INTS2: variants seen among roughly 807,000 people sequenced by gnomAD.
The protein encoded by INTS2 is integrator complex subunit 2.
In INTS2, 57 loss-of-function variants were observed where a neutral mutation model predicts 139.6. That is an observed-to-expected ratio of 0.41 (90% CI 0.33 to 0.51). The LOEUF (loss-of-function observed/expected upper bound fraction) is 0.51, where lower values mean the gene tolerates loss of function less well. Ranked by LOEUF, INTS2 falls within the 20% of genes least tolerant of loss-of-function variation. INTS2 has a pLI of 0.28. For missense variants in INTS2, 1,196 were observed against 1,436.7 expected (o/e 0.83, Z 2.71); for synonymous variants, 473 against 493.4 (o/e 0.96, Z 0.55).
In INTS2 at chr17:61,875,057, CAT is replaced by C; in HGVS notation, c.2457-21_2457-20del. 6.4e-7 allele frequency: 1 copy of C among 1,560,734 alleles called. No homozygotes were observed. The highest frequency in any genetic ancestry group is 8.7e-7 in the Non-Finnish European group (1 of 1,152,464). ...CCATAGCCTGATAAGAAAATAATCA[CAT>C]GTTCAAAACAGTTTTTTATATATTA... On this transcript the variant is annotated intron_variant, in intron 18 of 24. Coordinates refer to ENST00000251334, the MANE Select transcript of INTS2 (RefSeq NM_001351695.2). This position sits in a 1 kb window ranked among gnomAD's most constrained non-coding sequence, Gnocchi z 4.6.
Position 61,909,185 on chromosome 17 carries a change from C to T in INTS2, c.955-1551G>A, listed in dbSNP as rs560054844. Among the ~76,000 whole-genome samples the T allele has an allele frequency of 6.6e-6, 1 of 152,088 alleles. No individual in the cohort carries two copies. Among genetic ancestry groups the T allele is most frequent in the East Asian group, 1.9e-4 (1 of 5,166 alleles). ...GGAGTGCAGTGGCGTGATCTCGGCT[C>T]ACTGCAACCTCTGCCTCCCATGTTC... On this transcript the variant is annotated intron_variant, in intron 7 of 24. Coordinates refer to ENST00000251334, the MANE Select transcript of INTS2 (RefSeq NM_001351695.2). The surrounding 1 kb of genome is among the most constrained non-coding windows in gnomAD (Gnocchi z 4.9).
In INTS2 at chr17:61,918,311, G is replaced by A. The variant is rs114893357; in HGVS notation, c.649+1089C>T. ...AGGCTGGAGTGCAGTGGCACATATC[G>A]GCTCGCTGCAACCTCCACCTCACAG... is the stretch of plus-strand genomic sequence containing the variant. On this transcript the variant is annotated intron_variant, in intron 5 of 24. Coordinates refer to ENST00000251334, the MANE Select transcript of INTS2 (RefSeq NM_001351695.2). Among the ~76,000 whole-genome samples the A allele has an allele frequency of 8.2e-3, 1,241 of 152,112 alleles. 18 individuals carry two copies. The highest frequency in any genetic ancestry group is 0.028 in the African/African-American group (1,172 of 41,486).
rs1371690474 is a variant in INTS2 at position 61,921,962 on chromosome 17, A to T, written c.433-135T>A. 49 of 522,814 alleles carry T rather than the reference A, an allele frequency of 9.4e-5. No individual in the cohort carries two copies. In the South Asian group the frequency reaches 1.0e-3, roughly 11 times the overall value. The allele number at this position is 522,814 out of a possible 1,614,324, so 32.4% of individuals were successfully genotyped here. On this transcript the variant is annotated intron_variant, in intron 3 of 24. Transcript: ENST00000251334. Reference sequence around the variant, plus strand: ...AATATACCACAGCAGAATATGCAGTATTCAATCAATTTCAACCAATTTAAC... The same window carrying T: ...AATATACCACAGCAGAATATGCAGTTTTCAATCAATTTCAACCAATTTAAC...
chr17:61,924,480 A>C (rs941168376), intron 3 of INTS2, among the ~76,000 whole-genome samples: 1 of 152,222 alleles, frequency 6.6e-6, no homozygotes, highest in Non-Finnish European at 1.5e-5. Flanking sequence ...AGGCAGACTT[A>C]TAATATCCTT....
rs891414088 is a variant in INTS2, at chr17:61,875,187, T to C, written c.2457-149A>G. 1 of 495,226 alleles carries C rather than the reference T, an allele frequency of 2.0e-6. No homozygotes were observed. The highest frequency in any genetic ancestry group is 2.0e-5 in the African/African-American group (1 of 50,230). 30.7% of individuals were successfully genotyped at this position (495,226 alleles called of 1,614,324 possible). A position where few individuals can be genotyped will look rare whatever the true frequency, so the allele number is the denominator to read the frequency against. ...TTTGAAAAAATTTAAGCTACAGACA[T>C]CTAACCTATTAAAATATCTCTTTAA... On this transcript the variant is annotated intron_variant, in intron 18 of 24. Transcript: ENST00000251334. This position sits in a 1 kb window ranked among gnomAD's most constrained non-coding sequence, Gnocchi z 4.6.
rs993867248 is a variant in INTS2, at chr17:61,876,175, TAAAAATAAAAAATAATTTTTTAA to T, written c.2457-1160_2457-1138del. 1.2e-4 allele frequency among the ~76,000 whole-genome samples: 18 copies of T among 152,172 alleles called. No individual in the cohort carries two copies. Among genetic ancestry groups the T allele is most frequent in the African/African-American group, 3.9e-4 (16 of 41,528 alleles). On this transcript the variant is annotated intron_variant, in intron 18 of 24. Transcript: ENST00000251334. The surrounding 1 kb of genome is among the most constrained non-coding windows in gnomAD (Gnocchi z 4.1). ...AAAGCAAGACCCTGTATCTAAAAAG[TAAAAATAAAAAATAATTTTTTAA>T]AAAATGAACTAGAATTCCACACTTA...
intron 17 of INTS2, among the ~76,000 whole-genome samples, chr17:61,880,582 T>C (rs774445819): frequency 1.2e-4 from 18 of 151,816 alleles, no homozygotes; most frequent in African/African-American, 2.2e-4. Context: ...TGAAACCCCA[T>C]CTCTACAAAA....
intron 13 of INTS2, among the ~76,000 whole-genome samples, chr17:61,892,831 G>A (rs1280255955): frequency 6.6e-6 from 1 of 151,252 alleles, no homozygotes; most frequent in Non-Finnish European, 1.5e-5. Context: ...GCAGGAGCCT[G>A]TAATACCAGC....
At chr17:61,925,390 C>T (rs1478357410) in intron 2 of INTS2, among the ~76,000 whole-genome samples, 1 of 151,558 alleles carries the variant, frequency 6.6e-6, no homozygotes. Context: ...ACCAGCCTGG[C>T]CAATATGGTG....
In INTS2 at chr17:61,882,171, T is replaced by C. The variant is rs1365102815; in HGVS notation, c.2090-1000A>G. ...ATCTCTCCCTAACATTCATACAAAGTAAGCAATGCCTCCATTCTACTGTAA... is the reference window on the plus strand; with the variant it reads ...ATCTCTCCCTAACATTCATACAAAGCAAGCAATGCCTCCATTCTACTGTAA... On this transcript the variant is annotated intron_variant, in intron 16 of 24. Transcript: ENST00000251334. The surrounding 1 kb of genome is among the most constrained non-coding windows in gnomAD (Gnocchi z 4.7). Among the ~76,000 whole-genome samples, 1 of 152,146 alleles carries C rather than the reference T, an allele frequency of 6.6e-6. No homozygotes were observed. The highest frequency in any genetic ancestry group is 2.4e-5 in the African/African-American group (1 of 41,422).
At chr17:61,921,615 T>C (rs1312300725) in intron 4 of INTS2, 110 bp downstream of exon 4, 2 of 485,934 alleles carry the variant, frequency 4.1e-6, no homozygotes, top group African/African-American at 3.9e-5. Flanking sequence ...TCACATAACA[T>C]GTTTGTTATA....
At position 61,911,569 on chromosome 17, in the gene INTS2, T is replaced by C. The variant is rs2079526694; in HGVS notation, c.905A>G (p.Asn302Ser). The C allele has an allele frequency of 1.2e-6, 2 of 1,613,922 alleles. No homozygotes were observed. The highest frequency in any genetic ancestry group is 2.7e-5 in the African/African-American group (2 of 74,936). The change falls in exon 7 of 25, where the codon AAT (asparagine) becomes AGT (serine). Residue 302 changes from asparagine (N) to serine (S), a missense_variant. By Grantham distance (46) the Asn-to-Ser change is conservative. Coordinates refer to ENST00000251334, the MANE Select transcript of INTS2 (RefSeq NM_001351695.2). The part of the protein sequence containing the change: ...CFVSGLLLGT[N>S]AKVRTWFGTF... ...TCCAAACCAAGTCCGGACTTTCGCA[T>C]TTGTTCCAAGAAGCAAACCACTTAC...
In INTS2 at chr17:61,881,151, G is replaced by A. The variant is rs747549944; in HGVS notation, c.2110C>T (p.Arg704Cys). The A allele has an allele frequency of 9.3e-6, 15 of 1,612,494 alleles. No individual in the cohort carries two copies. Among genetic ancestry groups the A allele is most frequent in the East Asian group, 2.2e-5 (1 of 44,852 alleles). The change falls in exon 17 of 25, where the codon CGT becomes TGT. Residue 704 changes from arginine to cysteine, a missense_variant. Coordinates refer to ENST00000251334, the MANE Select transcript of INTS2 (RefSeq NM_001351695.2). ...TGTGGGTAGTTAGTAGCAAGGAGACGTAGTAAAGCTGAATGCAACCCTTGA... is the reference window on the plus strand; with the variant it reads ...TGTGGGTAGTTAGTAGCAAGGAGACATAGTAAAGCTGAATGCAACCCTTGA... ...ELGGLHSALL[R>C]LLATNYPHLC...
At chr17:61,920,317 G>A (rs2143160825) in intron 4 of INTS2, among the ~76,000 whole-genome samples, 1 of 151,824 alleles carries the variant, frequency 6.6e-6, no homozygotes, top group East Asian at 1.9e-4. Flanking sequence ...GAATACCTGG[G>A]ATTACAGAAG....
Position 61,881,121 on chromosome 17 carries a change from A to G in INTS2, c.2140T>C (p.Cys714Arg). The change falls in exon 17 of 25, where the codon TGT becomes CGT. Residue 714 changes from cysteine to arginine, a missense_variant. Coordinates refer to ENST00000251334, the MANE Select transcript of INTS2 (RefSeq NM_001351695.2). Reference sequence around the variant, plus strand: ...TCACAAATCCAGTCATCCACAATACATAAATGTGGGTAGTTAGTAGCAAGG... The same window carrying G: ...TCACAAATCCAGTCATCCACAATACGTAAATGTGGGTAGTTAGTAGCAAGG... The part of the protein sequence containing the change: ...RLLATNYPHL[C>R]IVDDWICEEE... The G allele has an allele frequency of 6.2e-7, 1 of 1,612,816 alleles. No individual in the cohort carries two copies. The highest frequency in any genetic ancestry group is 8.5e-7 in the Non-Finnish European group (1 of 1,178,782).
rs758272573 is a variant in INTS2 at position 61,907,647 on chromosome 17, T to C, written c.955-13A>G. The C allele has an allele frequency of 3.3e-5, 52 of 1,556,542 alleles. No homozygotes were observed. The highest frequency in any genetic ancestry group is 4.3e-5 in the Non-Finnish European group (49 of 1,147,018). On this transcript the variant is annotated splice_polypyrimidine_tract_variant and intron_variant, in intron 7 of 24. Coordinates refer to ENST00000251334, the MANE Select transcript of INTS2 (RefSeq NM_001351695.2). ...TCTCTCTTTTTCTCTGAAAGAAATA[T>C]GGATCACAAAAGGAAGAAAGCATGA...
In INTS2 at chr17:61,882,992, T is replaced by G. The variant is rs1254866064; in HGVS notation, c.2090-1821A>C. 1.3e-5 allele frequency among the ~76,000 whole-genome samples: 2 copies of G among 152,160 alleles called. No homozygotes were observed. Among genetic ancestry groups the G allele is most frequent in the Admixed American group, 6.5e-5 (1 of 15,268 alleles). On this transcript the variant is annotated intron_variant, in intron 16 of 24. Coordinates refer to ENST00000251334, the MANE Select transcript of INTS2 (RefSeq NM_001351695.2). This position sits in a 1 kb window ranked among gnomAD's most constrained non-coding sequence, Gnocchi z 4.7. The stretch of plus-strand genomic sequence containing the variant: ...CCGTTCTCATAGAAACAGCTTAAAA[T>G]TGATGTTTCTGTGTTTGAAAAGACA...
At chr17:61,927,620 A>G in intron 1 of INTS2, 34 bp downstream of exon 1, 1 of 1,308,134 alleles carries the variant, frequency 7.6e-7, no homozygotes, top group East Asian at 3.4e-5. Context: ...GGACCTAGGA[A>G]CGCGCTGAGG....
intron 7 of INTS2, 178 bp downstream of exon 7, chr17:61,911,342 C>A (rs149394180): frequency 2.2e-6 from 1 of 453,132 alleles, no homozygotes. Context: ...AGAAAAAAAG[C>A]CACATAAACA....
Sources: gnomAD v4.1 joint callset for allele counts (sites outside exome capture counted in the v4.1 genomes callset) on GRCh38, gnomAD v4.1.1 for gene constraint, Gnocchi (gnomAD v3.1) non-coding constraint, MANE v1.5 for transcripts, NCBI Gene and HGNC (gene_info 2026-07-23, HGNC 2026-07-21) for gene names.